Variants in CTNNA2 observed in about 807,000 individuals in gnomAD.
CTNNA2 encodes the protein catenin alpha 2.
In CTNNA2, 42 loss-of-function variants were observed where a neutral mutation model predicts 101.0. That is an observed-to-expected ratio of 0.42 (90% CI 0.32 to 0.54). The LOEUF is 0.54. CTNNA2 is among the 20% of genes least tolerant of loss of function. The pLI, the probability that CTNNA2 is intolerant of heterozygous loss-of-function variation, is 0.14. For synonymous variants in CTNNA2, 450 were observed against 456.4 expected (o/e 0.99, Z 0.18); for missense variants, 871 against 1,223.1 (o/e 0.71, Z 4.29).
chr2:79,994,696 T>C (rs1692422416), intron 7 of CTNNA2, among the ~76,000 whole-genome samples: 1 of 152,146 alleles, frequency 6.6e-6, no homozygotes, highest in South Asian at 2.1e-4. Flanking sequence ...AAAATAGCTT[T>C]AATGAAAAAT....
At chr2:79,630,743 A>G (rs908516984) in intron 1 of CTNNA2, among the ~76,000 whole-genome samples, 4 of 152,208 alleles carry the variant, frequency 2.6e-5, no homozygotes, top group Non-Finnish European at 5.9e-5. Flanking sequence ...TGGACATTAG[A>G]ACCTTGATTG....
intron 1 of CTNNA2, among the ~76,000 whole-genome samples, chr2:79,528,923 C>T (rs1030879427): frequency 6.6e-5 from 10 of 152,106 alleles, no homozygotes. Context: ...CGGGAAAGTG[C>T]GGCCCGTAAA....
chr2:79,898,381 C>T (rs1425192932), intron 6 of CTNNA2, among the ~76,000 whole-genome samples: 4 of 152,110 alleles, frequency 2.6e-5, no homozygotes, highest in African/African-American at 7.2e-5. Context: ...GTGATCCACC[C>T]GCTTTGGACT....
At chr2:80,554,544 C>T (rs1243884179) in intron 11 of CTNNA2, among the ~76,000 whole-genome samples, 1 of 152,082 alleles carries the variant, frequency 6.6e-6, no homozygotes, top group Non-Finnish European at 1.5e-5. Context: ...AGTCTTCTCA[C>T]TGGAACCTTG....
rs576132400 is a variant in CTNNA2 at position 80,584,383 on chromosome 2, G to A, written c.2007+2564G>A. On this transcript the variant is annotated intron_variant, in intron 14 of 18. Coordinates refer to ENST00000402739, the MANE Select transcript of CTNNA2 (RefSeq NM_001282597.3). ...AGTATTTCAAAAATGTCCTTTATAT[G>A]CCCATATCTGCTGCTTGCCTACAAC... Among the ~76,000 whole-genome samples the A allele has an allele frequency of 4.1e-5, 6 of 146,634 alleles. No homozygotes were observed. In the East Asian group the frequency reaches 1.3e-3, roughly 31 times the overall value.
intron 3 of CTNNA2, among the ~76,000 whole-genome samples, chr2:79,814,544 A>G (rs1677314449): frequency 6.6e-6 from 1 of 151,580 alleles, no homozygotes; most frequent in Non-Finnish European, 1.5e-5. Context: ...CTTCCAGCTC[A>G]CTGCAAATGC....
chr2:80,091,966 AC>A (rs1699818042), intron 7 of CTNNA2, among the ~76,000 whole-genome samples: 1 of 152,052 alleles, frequency 6.6e-6, no homozygotes, highest in Non-Finnish European at 1.5e-5. Context: ...CATGTTTGTT[AC>A]CTTTGTTTTC....
At chr2:79,990,734 A>T (rs1692113966) in intron 7 of CTNNA2, among the ~76,000 whole-genome samples, 1 of 152,136 alleles carries the variant, frequency 6.6e-6, no homozygotes, top group African/African-American at 2.4e-5. Context: ...TTGGTCTAAA[A>T]TTCTCTTTTT....
intron 7 of CTNNA2, among the ~76,000 whole-genome samples, chr2:80,221,424 T>C (rs1173099316): frequency 6.6e-6 from 1 of 152,136 alleles, no homozygotes; most frequent in East Asian, 1.9e-4. Context: ...AGAAATCCCA[T>C]TTCTTACAAT....
At chr2:80,315,451 T>G (rs1015472017) in intron 7 of CTNNA2, among the ~76,000 whole-genome samples, 7 of 152,298 alleles carry the variant, frequency 4.6e-5, no homozygotes, top group African/African-American at 1.7e-4. Flanking sequence ...CCAGGATGGC[T>G]TCACTCACAG....
chr2:80,240,566 C>T (rs923783561), intron 7 of CTNNA2, among the ~76,000 whole-genome samples: 2 of 152,150 alleles, frequency 1.3e-5, no homozygotes, highest in Admixed American at 6.5e-5. Flanking sequence ...AACATATATT[C>T]GTACTCATTT....
chr2:79,703,632 A>G (rs146828800), intron 2 of CTNNA2, among the ~76,000 whole-genome samples: 169 of 152,236 alleles, frequency 1.1e-3, no homozygotes, highest in African/African-American at 3.7e-3. Flanking sequence ...GTTAATTTTA[A>G]TTTTTGTTCT....
chr2:80,592,074 T>C (rs1179553349), intron 15 of CTNNA2, among the ~76,000 whole-genome samples: 1 of 152,168 alleles, frequency 6.6e-6, no homozygotes, highest in Non-Finnish European at 1.5e-5. Context: ...TCAAGTTTAA[T>C]TGTACAGCAA....
At chr2:79,809,139 A>G (rs112058880) in intron 3 of CTNNA2, among the ~76,000 whole-genome samples, 8,652 of 152,264 alleles carry the variant, frequency 0.057, 296 homozygotes, top group Middle Eastern at 0.14. Context: ...ATATGGCTGC[A>G]TGGTATTCCA....
chr2:80,164,482 G>A (rs1273552467), intron 7 of CTNNA2, among the ~76,000 whole-genome samples: 1 of 151,838 alleles, frequency 6.6e-6, no homozygotes, highest in Non-Finnish European at 1.5e-5. Context: ...TTTTATATGT[G>A]TACATTTAGA....
chr2:79,952,329 G>GCAA (rs200510987), intron 7 of CTNNA2, among the ~76,000 whole-genome samples: 7 of 152,044 alleles, frequency 4.6e-5, no homozygotes, highest in Non-Finnish European at 7.4e-5. Context: ...GCAAAGCAAA[G>GCAA]CAACAACAAC....
At chr2:79,420,317 C>A (rs1678528090) in intron 4 of CTNNA2, among the ~76,000 whole-genome samples, 2 of 152,128 alleles carry the variant, frequency 1.3e-5, no homozygotes, top group African/African-American at 4.8e-5. Context: ...CCAAATTTGG[C>A]TAGACCTGAG....
At chr2:80,623,055 A>AAG (rs1671303795) in intron 18 of CTNNA2, among the ~76,000 whole-genome samples, 1 of 151,024 alleles carries the variant, frequency 6.6e-6, no homozygotes, top group Non-Finnish European at 1.5e-5. Flanking sequence ...TTCTAAAAAA[A>AAG]AAAAAAAAAA....
At chr2:79,488,184 G>A (rs941358855) in intron 4 of CTNNA2, among the ~76,000 whole-genome samples, 2 of 151,990 alleles carry the variant, frequency 1.3e-5, no homozygotes, top group African/African-American at 2.4e-5. Context: ...TGACCGTGGT[G>A]GCGCATGGCT....
Sources: allele counts gnomAD v4.1 joint callset (sites outside exome capture counted in the v4.1 genomes callset), GRCh38; gene constraint gnomAD v4.1.1; transcripts MANE v1.5; gene names NCBI Gene and HGNC (gene_info 2026-07-23, HGNC 2026-07-21).